USH2A: variants seen among roughly 807,000 people sequenced by gnomAD.
USH2A encodes Usher syndrome 2A (autosomal recessive, mild).
USH2A carries 443 observed loss-of-function variants against 538.9 expected under a neutral mutation model. The observed-to-expected ratio is 0.82, with a 90% CI of 0.76 to 0.89. USH2A has a LOEUF of 0.89. Among genes scored for constraint, USH2A ranks in the 40% least tolerant of loss-of-function variants. The probability of loss-of-function intolerance (pLI) is 0.00; values close to 1 mark genes in which losing one functional copy is unlikely to be tolerated. For missense variants in USH2A, 6,633 were observed against 6,324.8 expected (o/e 1.05, Z -1.65); for synonymous variants, 2,413 against 2,273.5 (o/e 1.06, Z -1.75).
chr1:216,348,112 G>A (rs2038213987), intron 4 of USH2A, among the ~76,000 whole-genome samples: 2 of 152,204 alleles, frequency 1.3e-5, no homozygotes, highest in African/African-American at 4.8e-5. Flanking sequence ...TTTTACTCCT[G>A]TAAACAAAAT....
intron 21 of USH2A, chr1:216,174,539 A>C: frequency 3.0e-6 from 3 of 984,118 alleles, no homozygotes; most frequent in Non-Finnish European, 3.6e-6. Context: ...ATATTTTTAT[A>C]GTGCTTTCAC....
chr1:216,224,700 G>A (rs2035526733), intron 14 of USH2A, among the ~76,000 whole-genome samples: 1 of 152,048 alleles, frequency 6.6e-6, no homozygotes, highest in Non-Finnish European at 1.5e-5. Context: ...AAAAAACTGT[G>A]TAGCAAATAA....
chr1:216,247,295 ACAATG>A, intron 12 of USH2A, 69 bp from the exon 13 acceptor site: 1 of 1,579,084 alleles, frequency 6.3e-7, no homozygotes, highest in South Asian at 1.1e-5. Context: ...CGAGACACAA[ACAATG>A]CTACTGCAGA....
intron 67 of USH2A, among the ~76,000 whole-genome samples, chr1:215,640,951 T>C (rs1311353784): frequency 2.6e-5 from 4 of 151,614 alleles, no homozygotes; most frequent in African/African-American, 7.3e-5. Context: ...AATGGGAACA[T>C]GTGTGAAATG....
chr1:216,196,076 A>C (rs2034835536), intron 19 of USH2A, among the ~76,000 whole-genome samples: 1 of 152,316 alleles, frequency 6.6e-6, no homozygotes, highest in South Asian at 2.1e-4. Flanking sequence ...TTCATAATTC[A>C]TTTTGTTATA....
intron 55 of USH2A, among the ~76,000 whole-genome samples, chr1:215,770,824 C>T (rs1047826730): frequency 1.2e-4 from 18 of 151,266 alleles, no homozygotes; most frequent in South Asian, 1.0e-3. Flanking sequence ...GGGCCGGGAC[C>T]GGTGGTACGG....
chr1:215,956,647 C>T (rs1321760803), intron 37 of USH2A, among the ~76,000 whole-genome samples: 1 of 152,060 alleles, frequency 6.6e-6, no homozygotes, highest in African/African-American at 2.4e-5. Flanking sequence ...AGTGTACGAC[C>T]CATGGTTACA....
intron 4 of USH2A, among the ~76,000 whole-genome samples, chr1:216,350,963 T>A (rs944814605): frequency 6.6e-6 from 1 of 152,160 alleles, no homozygotes; most frequent in Non-Finnish European, 1.5e-5. Flanking sequence ...GGCTTTTCTG[T>A]ACATCCTCTG....
intron 42 of USH2A, among the ~76,000 whole-genome samples, chr1:215,878,541 A>G (rs982194188): frequency 7.2e-5 from 11 of 152,170 alleles, no homozygotes; most frequent in African/African-American, 2.7e-4. Context: ...GACAATAGTG[A>G]TTGTGGTTTC....
At chr1:216,180,277 G>A (rs2034467352) in intron 20 of USH2A, among the ~76,000 whole-genome samples, 1 of 151,950 alleles carries the variant, frequency 6.6e-6, no homozygotes, top group African/African-American at 2.4e-5. Flanking sequence ...AGTTTAAAAT[G>A]AATGTTCATT....
At chr1:215,771,346 C>T (rs555493214) in intron 55 of USH2A, among the ~76,000 whole-genome samples, 9 of 151,182 alleles carry the variant, frequency 6.0e-5, no homozygotes, top group South Asian at 2.1e-4. Context: ...TTTGGGAGGC[C>T]GAGGCGGGCG....
intron 21 of USH2A, among the ~76,000 whole-genome samples, chr1:216,156,295 C>CTTTTTTTTTTTTTTTTTTTTTTCTTTT (rs35698520): frequency 2.8e-5 from 3 of 105,526 alleles, no homozygotes; most frequent in Non-Finnish European, 3.7e-5. Context: ...TTTTTTTTTT[C>CTTTTTTTTTTTTTTTTTTTTTTCTTTT]TTTTTTTTTT....
intron 4 of USH2A, among the ~76,000 whole-genome samples, chr1:216,344,344 C>T (rs2038134046): frequency 6.6e-6 from 1 of 152,120 alleles, no homozygotes; most frequent in Non-Finnish European, 1.5e-5. Flanking sequence ...ACATCATACA[C>T]TGAACTATTA....
chr1:215,804,857 C>T (rs1349882536), intron 49 of USH2A, among the ~76,000 whole-genome samples: 1 of 152,078 alleles, frequency 6.6e-6, no homozygotes, highest in East Asian at 1.9e-4. Context: ...CGGCACTATT[C>T]ACAATAGCAA....
At chr1:215,921,142 CTT>C (rs1305956982) in intron 38 of USH2A, among the ~76,000 whole-genome samples, 2 of 152,008 alleles carry the variant, frequency 1.3e-5, no homozygotes, top group African/African-American at 4.8e-5. Flanking sequence ...AATTAAGTCT[CTT>C]CACAAGAATG....
At chr1:216,237,494 T>TAAAAAAAAAA (rs59074625) in intron 13 of USH2A, among the ~76,000 whole-genome samples, 2 of 114,272 alleles carry the variant, frequency 1.8e-5, no homozygotes, top group Non-Finnish European at 1.8e-5. Flanking sequence ...GACTCCGTCT[T>TAAAAAAAAAA]AAAAAAAAAA....
At chr1:215,647,213 T>G (rs953335637) in intron 67 of USH2A, among the ~76,000 whole-genome samples, 1 of 152,192 alleles carries the variant, frequency 6.6e-6, no homozygotes, top group African/African-American at 2.4e-5. Context: ...GTAGCAAAAC[T>G]TCTTATAAAA....
At chr1:215,861,800 G>A (rs548533528) in intron 44 of USH2A, among the ~76,000 whole-genome samples, 1 of 151,168 alleles carries the variant, frequency 6.6e-6, no homozygotes, top group East Asian at 1.9e-4. Flanking sequence ...AAAAGAAAAA[G>A]AGGAGAATGG....
rs369160848 is a variant in USH2A, at chr1:215,845,900, A to G, written c.8979T>C (p.Tyr2993=). 1.5e-5 allele frequency: 24 copies of G among 1,613,792 alleles called. No individual in the cohort carries two copies. Among genetic ancestry groups the G allele is most frequent in the Non-Finnish European group, 2.0e-5 (24 of 1,179,932 alleles). The change falls in exon 45 of 72, where the codon TAT becomes TAC. Residue 2993 remains tyrosine (Y), a synonymous_variant. Transcript: ENST00000307340. ...CATTGAAGACAGAGATAAAGATCCAATACTCTGTGTTTGGCTTTAGGTGGC... is the reference window on the plus strand; with the variant it reads ...CATTGAAGACAGAGATAAAGATCCAGTACTCTGTGTTTGGCTTTAGGTGGC... ...VIGHLKPNTE[Y]WIFISVFNGV... is the part of the protein sequence containing the mutation.
Sources: allele counts gnomAD v4.1 joint callset (sites outside exome capture counted in the v4.1 genomes callset), GRCh38; gene constraint gnomAD v4.1.1; transcripts MANE v1.5; gene names NCBI Gene and HGNC (gene_info 2026-07-23, HGNC 2026-07-21).